The following MRAP2 variants were observed in gnomAD, a reference collection of about 807,000 sequenced individuals.
MRAP2 encodes melanocortin 2 receptor accessory protein 2.
MRAP2 carries 20 observed loss-of-function variants against 17.4 expected under a neutral mutation model. That is an observed-to-expected ratio of 1.15 (90% CI 0.81 to 1.67). MRAP2 has a LOEUF of 1.67. Among genes scored for constraint, MRAP2 ranks in the 40% most tolerant of loss-of-function variants. MRAP2 has a pLI of 0.00. For missense variants in MRAP2, 238 were observed against 240.0 expected (o/e 0.99, Z 0.05); for synonymous variants, 96 against 88.4 (o/e 1.09, Z -0.48).
chr6:84,055,271 G>A (rs2099491396), intron 1 of MRAP2, 41 bp from the exon 2 acceptor site: 1 of 1,584,530 alleles, frequency 6.3e-7, no homozygotes, highest in South Asian at 1.2e-5. Context: ...AGCTCTGGAT[G>A]AATTAACAGG....
chr6:84,069,894 G>A (rs114707591), intron 3 of MRAP2, among the ~76,000 whole-genome samples: 1,575 of 151,990 alleles, frequency 0.01, 29 homozygotes, highest in African/African-American at 0.036. Flanking sequence ...GTTCATAGTA[G>A]CTTTGGATGA....
At chr6:84,045,434 C>T (rs1369740698) in intron 1 of MRAP2, 2 of 969,910 alleles carry the variant, frequency 2.1e-6, no homozygotes, top group Non-Finnish European at 2.5e-6. Flanking sequence ...CCAGCCGTCA[C>T]CCTTCATTGA....
intron 1 of MRAP2, among the ~76,000 whole-genome samples, chr6:84,053,093 G>A (rs1000687637): frequency 6.6e-6 from 1 of 152,156 alleles, no homozygotes; most frequent in Admixed American, 6.5e-5. Context: ...CCACAAATGG[G>A]GGTCCCCACC....
chr6:84,100,496 G>A, the MRAP2 span, among the ~76,000 whole-genome samples: 1 of 152,002 alleles, frequency 6.6e-6, no homozygotes, highest in South Asian at 2.1e-4. Flanking sequence ...TGAACTCCTG[G>A]GCTCAAGCAA....
the MRAP2 span, among the ~76,000 whole-genome samples, chr6:84,124,070 G>T: frequency 2.6e-5 from 4 of 151,970 alleles, no homozygotes; most frequent in Admixed American, 2.6e-4. Flanking sequence ...ACAGATGATG[G>T]TGTCAATGTG....
the MRAP2 span, among the ~76,000 whole-genome samples, chr6:84,115,846 C>G: frequency 1.3e-5 from 2 of 152,128 alleles, no homozygotes; most frequent in Non-Finnish European, 2.9e-5. Context: ...TTCCCTGACC[C>G]TTTGTGCTTC....
chr6:84,070,676 G>T (rs2099495983), intron 3 of MRAP2, among the ~76,000 whole-genome samples: 1 of 152,144 alleles, frequency 6.6e-6, no homozygotes, highest in Admixed American at 6.6e-5. Context: ...GAGCTGCCTA[G>T]TGCTCTCCCT....
the MRAP2 span, among the ~76,000 whole-genome samples, chr6:84,105,707 A>T: frequency 2.6e-5 from 4 of 152,206 alleles, no homozygotes; most frequent in African/African-American, 9.6e-5. Flanking sequence ...GGCAGCCTGG[A>T]TTAGTCACTC....
chr6:84,052,725 G>T (rs1407068429), intron 1 of MRAP2: 41 of 831,738 alleles, frequency 4.9e-5, no homozygotes, highest in Non-Finnish European at 5.7e-5. Context: ...GCAACTGGTG[G>T]CTGCCTGGGG....
chr6:84,052,521 T>C (rs1290266078), intron 1 of MRAP2, among the ~76,000 whole-genome samples: 1 of 152,252 alleles, frequency 6.6e-6, no homozygotes, highest in African/African-American at 2.4e-5. Context: ...TTTGTGCATC[T>C]GATGGCCTAA....
At chr6:84,115,774 G>C in the MRAP2 span, among the ~76,000 whole-genome samples, 1 of 152,194 alleles carries the variant, frequency 6.6e-6, no homozygotes, top group Non-Finnish European at 1.5e-5. Context: ...CAACATCTGG[G>C]CTGGAGTTCA....
chr6:84,122,514 C>T, the MRAP2 span, among the ~76,000 whole-genome samples: 455 of 152,060 alleles, frequency 3.0e-3, 2 homozygotes, highest in African/African-American at 0.01. Flanking sequence ...AGACAAACAC[C>T]AGATAAAATC....
the MRAP2 span, among the ~76,000 whole-genome samples, chr6:84,137,869 A>G: frequency 1.3e-5 from 2 of 152,220 alleles, no homozygotes; most frequent in African/African-American, 2.4e-5. Context: ...GTTAGCATCA[A>G]CGGAAGAGGT....
downstream of MRAP2, among the ~76,000 whole-genome samples, chr6:84,093,314 A>C (rs1315866305): frequency 6.6e-6 from 1 of 152,106 alleles, no homozygotes; most frequent in Non-Finnish European, 1.5e-5. Flanking sequence ...CCTATGTAGG[A>C]ACTTGACTCA....
chr6:84,141,086 G>A, the MRAP2 span, among the ~76,000 whole-genome samples: 2 of 151,880 alleles, frequency 1.3e-5, no homozygotes, highest in Non-Finnish European at 2.9e-5. Flanking sequence ...AGGAGGCGGA[G>A]ATCAGGCAGT....
At chr6:84,143,589 G>A in the MRAP2 span, among the ~76,000 whole-genome samples, 2 of 151,454 alleles carry the variant, frequency 1.3e-5, no homozygotes, top group Non-Finnish European at 3.0e-5. Flanking sequence ...GGAGAACGAA[G>A]AACAAAAAAA....
At chr6:84,092,605 G>A (rs527464080), downstream of MRAP2, among the ~76,000 whole-genome samples, 24 of 152,198 alleles carry the variant, frequency 1.6e-4, no homozygotes, top group African/African-American at 4.8e-4. Flanking sequence ...TGATGTGACC[G>A]ACATAAGATA....
At chr6:84,117,067 G>T in the MRAP2 span, among the ~76,000 whole-genome samples, 4 of 150,458 alleles carry the variant, frequency 2.7e-5, no homozygotes, top group Admixed American at 2.7e-4. Flanking sequence ...CTGTTGCCCA[G>T]TCTGGAGTGT....
At chr6:84,062,677 C>G (rs1019039644) in intron 2 of MRAP2, 3 of 985,402 alleles carry the variant, frequency 3.0e-6, no homozygotes, top group East Asian at 2.3e-4. Context: ...AGGCCTAAAT[C>G]CCTTCATGCT....
Sources: gnomAD v4.1 joint callset for allele counts (sites outside exome capture counted in the v4.1 genomes callset) on GRCh38, gnomAD v4.1.1 for gene constraint, MANE v1.5 for transcripts, NCBI Gene and HGNC (gene_info 2026-07-23, HGNC 2026-07-21) for gene names.